The following DAB1 variants were observed in gnomAD, a reference collection of about 807,000 sequenced individuals.
DAB1 encodes disabled homolog 1.
Under a neutral mutation model 64.6 loss-of-function variants are expected in DAB1, and 15 were observed. The ratio of observed to expected loss-of-function variants is 0.23; its 90% CI spans 0.16 to 0.36. The LOEUF (loss-of-function observed/expected upper bound fraction) is 0.36, where lower values mean the gene tolerates loss of function less well. Among genes scored for constraint, DAB1 ranks in the 10% least tolerant of loss-of-function variants. The pLI, the probability that DAB1 is intolerant of heterozygous loss-of-function variation, is 1.00. For missense variants in DAB1, 596 were observed against 706.7 expected, an observed-to-expected ratio of 0.84 and a Z score of 1.78; for synonymous variants, 235 against 251.9, an observed-to-expected ratio of 0.93 and a Z score of 0.64.
In DAB1 at chr1:57,089,783, G is replaced by C. The variant is rs921293625; in HGVS notation, c.307-17369C>G. On this transcript the variant is annotated intron_variant, in intron 4 of 14. Coordinates refer to ENST00000371236, the MANE Select transcript of DAB1 (RefSeq NM_001365792.1). ...AGACATATCATTGAGTAAATGATTT[G>C]ATGTAAGAAATATTGATCTCTGCTC... 3.3e-5 allele frequency among the ~76,000 whole-genome samples: 5 copies of C among 152,312 alleles called. No homozygotes were observed. In the East Asian group the frequency reaches 9.6e-4, roughly 29 times the overall value.
chr1:57,663,780 C>T (rs1646415118), intron 6 of DAB1, among the ~76,000 whole-genome samples: 1 of 151,972 alleles, frequency 6.6e-6, no homozygotes. Flanking sequence ...TTACATTCTT[C>T]TGGTTGGGAT....
intron 5 of DAB1, among the ~76,000 whole-genome samples, chr1:57,981,135 A>G (rs1646056803): frequency 6.6e-6 from 1 of 152,230 alleles, no homozygotes; most frequent in Middle Eastern, 3.4e-3. Flanking sequence ...TCTTAGGTAC[A>G]TTATTTAACC....
intron 1 of DAB1, among the ~76,000 whole-genome samples, chr1:57,331,807 A>G (rs1259057579): frequency 6.6e-6 from 1 of 152,166 alleles, no homozygotes; most frequent in African/African-American, 2.4e-5. Context: ...AGATGAGAAA[A>G]CTGGAGCTAC....
At chr1:58,042,751 C>T (rs565124619) in intron 5 of DAB1, among the ~76,000 whole-genome samples, 18 of 152,248 alleles carry the variant, frequency 1.2e-4, no homozygotes, top group African/African-American at 3.9e-4. Context: ...GAGTTCAAGG[C>T]AGGGAGTACT....
At chr1:57,175,304 T>C (rs976860854) in intron 2 of DAB1, among the ~76,000 whole-genome samples, 3 of 146,390 alleles carry the variant, frequency 2.0e-5, no homozygotes, top group Non-Finnish European at 4.4e-5. Context: ...TTTTATTATT[T>C]CAGACTTTAA....
intron 1 of DAB1, among the ~76,000 whole-genome samples, chr1:57,370,373 C>T (rs1225837552): frequency 6.6e-6 from 1 of 152,092 alleles, no homozygotes; most frequent in Non-Finnish European, 1.5e-5. Context: ...TGCCAGTCAC[C>T]GACTTTTTAA....
At chr1:57,263,781 T>A (rs1301286523) in intron 2 of DAB1, among the ~76,000 whole-genome samples, 1 of 152,236 alleles carries the variant, frequency 6.6e-6, no homozygotes, top group African/African-American at 2.4e-5. Context: ...TAATTTTCAT[T>A]ACACTTGTTA....
chr1:57,998,536 G>T (rs1199974989), intron 5 of DAB1, among the ~76,000 whole-genome samples: 1 of 151,794 alleles, frequency 6.6e-6, no homozygotes, highest in African/African-American at 2.4e-5. Flanking sequence ...GCTAATTTTT[G>T]TATCTTTAGT....
intron 3 of DAB1, among the ~76,000 whole-genome samples, chr1:57,139,020 C>T (rs1180205338): frequency 6.6e-6 from 1 of 152,134 alleles, no homozygotes; most frequent in African/African-American, 2.4e-5. Flanking sequence ...TCTGTGTTCT[C>T]AGATAGATTT....
intron 7 of DAB1, among the ~76,000 whole-genome samples, chr1:57,546,517 T>G (rs919273551): frequency 6.6e-6 from 1 of 152,250 alleles, no homozygotes; most frequent in East Asian, 1.9e-4. Context: ...TGAGCCTTAG[T>G]TTTTTCATCT....
At position 58,007,327 on chromosome 1, in the gene DAB1, AAG is replaced by A. The variant is rs376882267; in HGVS notation, n.388-123167_388-123166del. Among the ~76,000 whole-genome samples, 160 of 152,326 alleles carry A rather than the reference AAG, an allele frequency of 1.1e-3. 1 individual carries two copies. The South Asian group carries it at 0.033, about 31-fold the overall frequency. ...CCTCATCCTCAGAAGGATTAGAAGA[AAG>A]GTTCTGCTTTATGCTAAATGTGGAG... On this transcript the variant is annotated intron_variant and non_coding_transcript_variant, in intron 5 of 20. Coordinates refer to the DAB1 transcript ENST00000485760.
rs977788142 is a variant in DAB1, at chr1:58,261,071, A to G, written n.309+82281T>C. ...ACTTCATATTTTTCTCGGGCTTATC[A>G]AGAATATAAGGTAGATATTTGTGGG... On this transcript the variant is annotated intron_variant and non_coding_transcript_variant, in intron 4 of 20. Coordinates refer to the DAB1 transcript ENST00000485760. Among the ~76,000 whole-genome samples, 25 of 152,292 alleles carry G rather than the reference A, an allele frequency of 1.6e-4. 1 individual carries two copies. The highest frequency in any genetic ancestry group is 5.8e-4 in the African/African-American group (24 of 41,572).
chr1:57,036,342 C>T (rs1262012835), intron 9 of DAB1, among the ~76,000 whole-genome samples: 6 of 152,046 alleles, frequency 3.9e-5, no homozygotes, highest in South Asian at 2.1e-4. Flanking sequence ...TCATCCCATC[C>T]GTATCTTTTT....
chr1:57,707,705 T>G (rs1165997513), intron 6 of DAB1, among the ~76,000 whole-genome samples: 2 of 152,222 alleles, frequency 1.3e-5, no homozygotes, highest in South Asian at 2.1e-4. Context: ...AATTCATATA[T>G]TTATTCCAGT....
chr1:57,450,953 C>T (rs1037882582), intron 7 of DAB1, among the ~76,000 whole-genome samples: 1 of 152,220 alleles, frequency 6.6e-6, no homozygotes, highest in African/African-American at 2.4e-5. Context: ...GTGCAATAGA[C>T]ATTTCACTTA....
intron 6 of DAB1, among the ~76,000 whole-genome samples, chr1:57,735,107 T>G (rs966904270): frequency 1.3e-5 from 2 of 152,218 alleles, no homozygotes; most frequent in Non-Finnish European, 2.9e-5. Context: ...TTTTCAGTCC[T>G]TCAATTCCCC....
intron 4 of DAB1, among the ~76,000 whole-genome samples, chr1:57,075,735 A>T (rs1278135143): frequency 6.6e-6 from 1 of 152,192 alleles, no homozygotes; most frequent in African/African-American, 2.4e-5. Flanking sequence ...AAGGGACTGA[A>T]GGTCAGAGAT....
intron 7 of DAB1, among the ~76,000 whole-genome samples, chr1:57,596,129 C>T (rs1239485008): frequency 6.6e-6 from 1 of 152,154 alleles, no homozygotes; most frequent in African/African-American, 2.4e-5. Context: ...CTAGGTATCA[C>T]TGGGAGGCAT....
intron 6 of DAB1, among the ~76,000 whole-genome samples, chr1:57,741,014 A>G (rs971431481): frequency 6.6e-6 from 1 of 152,146 alleles, no homozygotes; most frequent in Non-Finnish European, 1.5e-5. Context: ...ATTAAGACCA[A>G]TTTGGTTGAC....
Sources: gnomAD v4.1 joint callset for allele counts (sites outside exome capture counted in the v4.1 genomes callset) on GRCh38, gnomAD v4.1.1 for gene constraint, MANE v1.5 for transcripts, NCBI Gene and HGNC (gene_info 2026-07-23, HGNC 2026-07-21) for gene names.